RNF138: variants seen among roughly 807,000 people sequenced by gnomAD.
RNF138 encodes ring finger protein 138.
RNF138 carries 12 observed loss-of-function variants against 31.0 expected under a neutral mutation model. The ratio of observed to expected loss-of-function variants is 0.39; its 90% CI spans 0.25 to 0.63. The LOEUF (loss-of-function observed/expected upper bound fraction) is 0.63, where lower values mean the gene tolerates loss of function less well. Ranked by LOEUF, RNF138 falls within the 20% of genes least tolerant of loss-of-function variation. The pLI, the probability that RNF138 is intolerant of heterozygous loss-of-function variation, is 0.52. For missense variants in RNF138, 192 were observed against 300.1 expected, an observed-to-expected ratio of 0.64 and a Z score of 2.66; for synonymous variants, 105 against 99.5, an observed-to-expected ratio of 1.06 and a Z score of -0.33.
chr18:32,104,533 T>A (rs1321357918), intron 2 of RNF138, among the ~76,000 whole-genome samples: 1 of 152,144 alleles, frequency 6.6e-6, no homozygotes, highest in Non-Finnish European at 1.5e-5. Context: ...AAAATTGTCA[T>A]AATTTGTCGA....
intron 4 of RNF138, among the ~76,000 whole-genome samples, chr18:32,117,895 C>T (rs183832387): frequency 1.2e-4 from 18 of 152,208 alleles, no homozygotes; most frequent in Admixed American, 1.2e-3. Flanking sequence ...TCTTTAGCCA[C>T]AGGAAGTGGG....
At chr18:32,116,034 A>G (rs78042113) in intron 4 of RNF138, among the ~76,000 whole-genome samples, 4,391 of 152,286 alleles carry the variant, frequency 0.029, 222 homozygotes, top group African/African-American at 0.1. Flanking sequence ...CAGTTGTCTC[A>G]TGTGTTTAAG....
Position 32,124,827 on chromosome 18 carries a change from A to G in RNF138, c.543A>G (p.Leu181=), listed in dbSNP as rs573202254. The change falls in exon 6 of 8, where the codon CTA becomes CTG. Residue 181 remains leucine (L), a synonymous_variant. Transcript: ENST00000261593. The part of the protein sequence containing the change: ...RLLDHCNSNH[L]FQIVPVTCPI... Reference sequence around the variant, plus strand: ...TGGATCACTGTAACAGTAATCACCTATTTCAGATAGTTCCTGTGGTAAGTA... The same window carrying G: ...TGGATCACTGTAACAGTAATCACCTGTTTCAGATAGTTCCTGTGGTAAGTA... The G allele has an allele frequency of 3.2e-6, 5 of 1,558,494 alleles. No individual in the cohort carries two copies. The African/African-American group carries it at 5.4e-5, about 17-fold the overall frequency.
intron 2 of RNF138, among the ~76,000 whole-genome samples, chr18:32,099,830 C>T (rs2039887479): frequency 6.6e-6 from 1 of 152,220 alleles, no homozygotes; most frequent in Non-Finnish European, 1.5e-5. Context: ...TCTCCTGTTA[C>T]TTACTTAAGC....
At chr18:32,113,337 C>T (rs1043372207) in intron 3 of RNF138, among the ~76,000 whole-genome samples, 6 of 150,556 alleles carry the variant, frequency 4.0e-5, no homozygotes, top group African/African-American at 1.2e-4. Flanking sequence ...GGATTACAAG[C>T]GCGAGCCACT....
intron 2 of RNF138, among the ~76,000 whole-genome samples, chr18:32,098,291 C>T (rs576587750): frequency 2.4e-4 from 36 of 152,082 alleles, no homozygotes; most frequent in African/African-American, 8.7e-4. Context: ...CAGGTGTGAG[C>T]CACTGCGCCC....
At chr18:32,108,359 T>A (rs1356534627) in intron 2 of RNF138, among the ~76,000 whole-genome samples, 1 of 152,100 alleles carries the variant, frequency 6.6e-6, no homozygotes, top group Non-Finnish European at 1.5e-5. Flanking sequence ...CAGGATACCA[T>A]TATCCTGACC....
At chr18:32,120,029 C>T (rs1042566470) in intron 4 of RNF138, among the ~76,000 whole-genome samples, 1 of 152,038 alleles carries the variant, frequency 6.6e-6, no homozygotes, top group African/African-American at 2.4e-5. Context: ...GTTTTGTCTG[C>T]TTCTTTTAAA....
At chr18:32,106,779 G>A (rs907763213) in intron 2 of RNF138, among the ~76,000 whole-genome samples, 2 of 151,910 alleles carry the variant, frequency 1.3e-5, no homozygotes, top group Non-Finnish European at 2.9e-5. Flanking sequence ...TTAGAGCCAG[G>A]ATGATCTTGA....
At chr18:32,092,649 G>T (rs1006704360) in intron 1 of RNF138, 51 bp from the exon 2 acceptor site, 3 of 661,676 alleles carry the variant, frequency 4.5e-6, no homozygotes, top group Admixed American at 4.4e-5. Context: ...CCCCTTCCTG[G>T]CGCGCGCTGT....
intron 4 of RNF138, among the ~76,000 whole-genome samples, chr18:32,115,759 G>A (rs533547331): frequency 9.3e-4 from 141 of 151,536 alleles, no homozygotes; most frequent in African/African-American, 3.3e-3. Flanking sequence ...ACACACACAC[G>A]CACACACACG....
rs57992536 is a variant in RNF138 at position 32,095,863 on chromosome 18, A to G, written c.110+2977A>G. Among the ~76,000 whole-genome samples, 1,105 of 152,348 alleles carry G rather than the reference A, an allele frequency of 7.3e-3. 19 individuals are homozygous for G. Among genetic ancestry groups the G allele is most frequent in the African/African-American group, 0.025 (1,056 of 41,584 alleles). Reference sequence around the variant, plus strand: ...ACTTAATAGTCCGCTGGAGAGACCTATAAATGAGTGTGATTGATATAGAAG... The same window carrying G: ...ACTTAATAGTCCGCTGGAGAGACCTGTAAATGAGTGTGATTGATATAGAAG... On this transcript the variant is annotated intron_variant, in intron 2 of 7. Coordinates refer to ENST00000261593, the MANE Select transcript of RNF138 (RefSeq NM_016271.5).
At chr18:32,128,954 C>G (rs1003688541) in intron 7 of RNF138, among the ~76,000 whole-genome samples, 165 bp from the exon 8 acceptor site, 2 of 152,190 alleles carry the variant, frequency 1.3e-5, no homozygotes, top group African/African-American at 2.4e-5. Context: ...GTATTCAAAT[C>G]TTGTATCTTA....
rs527996071 is a variant in RNF138, at chr18:32,093,490, G to T, written c.110+604G>T. Among the ~76,000 whole-genome samples the T allele has an allele frequency of 2.0e-5, 3 of 152,296 alleles. No homozygotes were observed. In the South Asian group the frequency reaches 6.2e-4, roughly 32 times the overall value. On this transcript the variant is annotated intron_variant, in intron 2 of 7. Transcript: ENST00000261593. ...TTGTTTCGTTTCCAGTCCACTATGTGTTAGAGGGATCTAGAATGAGTTTTC... is the reference window on the plus strand; with the variant it reads ...TTGTTTCGTTTCCAGTCCACTATGTTTTAGAGGGATCTAGAATGAGTTTTC...
chr18:32,128,442 G>A (rs1417064487), intron 7 of RNF138, among the ~76,000 whole-genome samples: 1 of 152,124 alleles, frequency 6.6e-6, no homozygotes, highest in Non-Finnish European at 1.5e-5. Context: ...GCAGGCTGAG[G>A]CACAAGAATT....
intron 2 of RNF138, among the ~76,000 whole-genome samples, chr18:32,100,839 A>G (rs889823693): frequency 1.3e-5 from 2 of 152,156 alleles, no homozygotes; most frequent in Non-Finnish European, 2.9e-5. Context: ...GCCTGAGCTC[A>G]AGCGATCTGC....
At chr18:32,128,399 G>A (rs563262108) in intron 7 of RNF138, among the ~76,000 whole-genome samples, 24 of 152,298 alleles carry the variant, frequency 1.6e-4, no homozygotes, top group Non-Finnish European at 2.2e-4. Context: ...TTAGCTGGGT[G>A]TGGTGGTACG....
In RNF138 at chr18:32,123,511, T is replaced by A. The variant is rs368472041; in HGVS notation, c.393-7T>A. On this transcript the variant is annotated splice_region_variant and splice_polypyrimidine_tract_variant and intron_variant, in intron 4 of 7. Transcript: ENST00000261593. ...AGGTATTAACTTTTTCCCCTGTGCT[T>A]CTTAAGCAATAGGAGTGAAACATCC... The A allele has an allele frequency of 6.4e-7, 1 of 1,569,562 alleles. No individual in the cohort carries two copies. The highest frequency in any genetic ancestry group is 1.4e-5 in the African/African-American group (1 of 72,374).
chr18:32,107,162 C>T (rs1334205822), intron 2 of RNF138, among the ~76,000 whole-genome samples: 2 of 143,964 alleles, frequency 1.4e-5, no homozygotes, highest in Non-Finnish European at 3.0e-5. Context: ...GCTCTGTCAC[C>T]CAGGCTGGAG....
Sources: allele counts gnomAD v4.1 joint callset (sites outside exome capture counted in the v4.1 genomes callset), GRCh38; gene constraint gnomAD v4.1.1; transcripts MANE v1.5; gene names NCBI Gene and HGNC (gene_info 2026-07-23, HGNC 2026-07-21).